Variants in TCF7L2 observed in about 807,000 individuals in gnomAD.
TCF7L2 encodes the protein transcription factor 7-like 2.
Under a neutral mutation model 77.9 loss-of-function variants are expected in TCF7L2, and 23 were observed. The observed-to-expected ratio is 0.30, with a 90% confidence interval of 0.21 to 0.42. The LOEUF is 0.42. Among genes scored for constraint, TCF7L2 ranks in the 10% least tolerant of loss-of-function variants. The pLI is 1.00. For synonymous variants in TCF7L2, 413 were observed against 340.2 expected (o/e 1.21, Z -2.36); for missense variants, 654 against 793.1 (o/e 0.82, Z 2.11).
chr10:113,156,115 CTTTTT>C (rs35516476), intron 11 of TCF7L2, among the ~76,000 whole-genome samples: 5 of 120,740 alleles, frequency 4.1e-5, no homozygotes, highest in Admixed American at 1.7e-4. Context: ...TTCTTTCTTT[CTTTTT>C]TTTTTTTTTT....
chr10:113,023,738 G>C (rs764095353), intron 4 of TCF7L2, among the ~76,000 whole-genome samples: 8 of 151,262 alleles, frequency 5.3e-5, no homozygotes, highest in Non-Finnish European at 1.2e-4. Context: ...GCGTGATCTC[G>C]GCTCACTGCA....
In TCF7L2 at chr10:112,951,361, CCTGGCCCTGCGCCGGCCCGGT is replaced by C. The variant is rs1020515293; in HGVS notation, c.256+90_257-100del. 8.9e-6 allele frequency: 9 copies of C among 1,011,270 alleles called. No individual in the cohort carries two copies. In the African/African-American group the frequency reaches 1.6e-4, roughly 18 times the overall value. The allele number at this position is 1,011,270 out of a possible 1,614,324, so 62.6% of individuals were successfully genotyped here. ...CGCCCCGGCCCCGCGCCCGGCTCGG[CCTGGCCCTGCGCCGGCCCGGT>C]CGGGGCGCCCGGCCCCTCGGGGCAC... On this transcript the variant is annotated intron_variant, in intron 2 of 13. Coordinates refer to ENST00000627217, the MANE Select transcript of TCF7L2 (RefSeq NM_001146274.2).
chr10:112,968,293 C>A (rs1161538705), intron 4 of TCF7L2, among the ~76,000 whole-genome samples: 4 of 152,090 alleles, frequency 2.6e-5, no homozygotes, highest in Admixed American at 6.6e-5. Flanking sequence ...CAAGACCAAC[C>A]CCTTCTCTTC....
chr10:113,103,269 G>C (rs1332533855), intron 5 of TCF7L2, among the ~76,000 whole-genome samples: 1 of 152,186 alleles, frequency 6.6e-6, no homozygotes, highest in Non-Finnish European at 1.5e-5. Context: ...CACAGATGCT[G>C]TCCAGATATG....
rs2074079516 is a variant in TCF7L2, at chr10:113,167,272, T to C, written c.*1300T>C. 4.4e-6 allele frequency: 1 copy of C among 228,470 alleles called. No homozygotes were observed. Among genetic ancestry groups the C allele is most frequent in the African/African-American group, 2.2e-5 (1 of 45,106 alleles). 14.2% of individuals were successfully genotyped at this position (228,470 alleles called of 1,614,324 possible). ...CCCTTAAGGGCCAAAATTCTGTATATTAGATTACTCTTAAACGAAAAACCA... is the reference window on the plus strand; with the variant it reads ...CCCTTAAGGGCCAAAATTCTGTATACTAGATTACTCTTAAACGAAAAACCA... On this transcript the variant is annotated 3_prime_UTR_variant, in exon 14 of 14. Coordinates refer to ENST00000627217, the MANE Select transcript of TCF7L2 (RefSeq NM_001146274.2).
chr10:113,001,512 T>G (rs372695079), intron 4 of TCF7L2, among the ~76,000 whole-genome samples: 1 of 152,064 alleles, frequency 6.6e-6, no homozygotes, highest in East Asian at 1.9e-4. Context: ...TAAGTGGATT[T>G]TTTTTTTTCC....
At chr10:113,136,720 G>A (rs565323120) in intron 5 of TCF7L2, among the ~76,000 whole-genome samples, 1 of 152,300 alleles carries the variant, frequency 6.6e-6, no homozygotes, top group Non-Finnish European at 1.5e-5. Context: ...AGGCTAATGA[G>A]CCCACCAGCA....
At chr10:113,040,550 T>A (rs1282787536) in intron 5 of TCF7L2, among the ~76,000 whole-genome samples, 2 of 152,190 alleles carry the variant, frequency 1.3e-5, no homozygotes, top group Non-Finnish European at 2.9e-5. Flanking sequence ...CTCCCCCAAT[T>A]TATCTTAATA....
intron 5 of TCF7L2, among the ~76,000 whole-genome samples, chr10:113,069,232 T>G (rs1465566260): frequency 6.7e-6 from 1 of 149,528 alleles, no homozygotes; most frequent in Admixed American, 6.6e-5. Context: ...TAACTCATAT[T>G]CTTTTTTTTT....
intron 5 of TCF7L2, among the ~76,000 whole-genome samples, chr10:113,045,672 C>T (rs1029402330): frequency 5.9e-5 from 9 of 152,108 alleles, no homozygotes; most frequent in South Asian, 4.1e-4. Flanking sequence ...GTATTTTCTG[C>T]GGGCAGGACA....
chr10:113,133,791 G>C (rs1184714084), intron 5 of TCF7L2, among the ~76,000 whole-genome samples: 1 of 152,152 alleles, frequency 6.6e-6, no homozygotes, highest in African/African-American at 2.4e-5. Flanking sequence ...TTCCAGAGAG[G>C]GAGAGGGAGA....
chr10:113,083,585 A>G (rs1217237812), intron 5 of TCF7L2, among the ~76,000 whole-genome samples: 4 of 152,198 alleles, frequency 2.6e-5, no homozygotes, highest in African/African-American at 9.6e-5. Context: ...TCGATGGTGC[A>G]TAAAGCTGGA....
At chr10:112,997,244 T>C (rs950414715) in intron 4 of TCF7L2, among the ~76,000 whole-genome samples, 2 of 152,236 alleles carry the variant, frequency 1.3e-5, no homozygotes, top group African/African-American at 4.8e-5. Context: ...CTCCATCTAC[T>C]GAAGGTACGC....
chr10:112,998,101 CT>C (rs751249543), intron 4 of TCF7L2, among the ~76,000 whole-genome samples: 2,127 of 140,060 alleles, frequency 0.015, 22 homozygotes, highest in Non-Finnish European at 0.022. Context: ...TCTGGTCCTA[CT>C]TTTTTTTTTT....
intron 5 of TCF7L2, among the ~76,000 whole-genome samples, chr10:113,116,752 G>T (rs1253963231): frequency 6.9e-6 from 1 of 145,368 alleles, no homozygotes; most frequent in Non-Finnish European, 1.5e-5. Flanking sequence ...TAGGTAAATA[G>T]ATTTTAAATC....
intron 4 of TCF7L2, among the ~76,000 whole-genome samples, chr10:113,006,073 G>A (rs1049414348): frequency 1.3e-5 from 2 of 152,158 alleles, no homozygotes; most frequent in Non-Finnish European, 2.9e-5. Flanking sequence ...TAGATTTGGG[G>A]AGAGTCAGGA....
chr10:113,081,271 T>G lies in TCF7L2; in HGVS notation c.552+41145T>G, dbSNP rs74157208. On this transcript the variant is annotated intron_variant, in intron 5 of 13. Transcript: ENST00000627217. ...CCTCTTCTCCCTCTTGGCCCCGTGA[T>G]TCTGCCCAGTAATGTTTACAGCACA... is the stretch of plus-strand genomic sequence containing the variant. Among the ~76,000 whole-genome samples the G allele has an allele frequency of 6.5e-3, 984 of 152,358 alleles. 9 individuals are homozygous for G. The highest frequency in any genetic ancestry group is 0.023 in the African/African-American group (940 of 41,576).
chr10:112,993,078 T>C (rs1490446221), intron 4 of TCF7L2, among the ~76,000 whole-genome samples: 1 of 152,110 alleles, frequency 6.6e-6, no homozygotes, highest in African/African-American at 2.4e-5. Context: ...CTTGTATTTC[T>C]AACGTCCCCC....
At position 113,151,010 on chromosome 10, in the gene TCF7L2, T is replaced by C. The variant is rs754331130; in HGVS notation, c.888T>C (p.His296=). Residue 296 remains histidine (H), a synonymous_variant, in exon 9 of 14, where the codon CAT becomes CAC. Transcript: ENST00000627217. The surrounding 1 kb of genome is among the most constrained non-coding windows in gnomAD (Gnocchi z 5.2). ...TTCTGTCTTCTAGGTTCCCTCCCCA[T>C]ATGGTCCCACCACATCATACGCTAC... The C allele has an allele frequency of 6.8e-6, 11 of 1,613,854 alleles. No individual in the cohort carries two copies. The East Asian group carries it at 1.8e-4, about 26-fold the overall frequency.
Sources: allele counts gnomAD v4.1 joint callset (sites outside exome capture counted in the v4.1 genomes callset), GRCh38; gene constraint gnomAD v4.1.1; non-coding constraint Gnocchi (gnomAD v3.1); transcripts MANE v1.5; gene names NCBI Gene and HGNC (gene_info 2026-07-23, HGNC 2026-07-21).